Variants in STRBP observed in about 807,000 individuals in gnomAD.
STRBP encodes spermatid perinuclear RNA-binding protein.
Under a neutral mutation model 80.1 loss-of-function variants are expected in STRBP, and 13 were observed. That is an observed-to-expected ratio of 0.16 (90% confidence interval 0.11 to 0.26). The LOEUF (loss-of-function observed/expected upper bound fraction) is 0.26. Ranked by LOEUF, STRBP falls within the 10% of genes least tolerant of loss-of-function variation. The pLI, the probability that STRBP is intolerant of heterozygous loss-of-function variation, is 1.00. For synonymous variants in STRBP, 284 were observed against 291.2 expected (o/e 0.98, Z 0.25); for missense variants, 485 against 815.2 (o/e 0.59, Z 4.93).
intron 1 of STRBP, among the ~76,000 whole-genome samples, chr9:123,265,085 A>G (rs748955412): frequency 1.3e-5 from 2 of 152,198 alleles, no homozygotes; most frequent in Admixed American, 6.5e-5. Context: ...ATTATACTCT[A>G]AAAATCTTTC....
At chr9:123,264,033 G>C (rs2041216233) in intron 1 of STRBP, among the ~76,000 whole-genome samples, 1 of 152,196 alleles carries the variant, frequency 6.6e-6, no homozygotes, top group Non-Finnish European at 1.5e-5. Context: ...CAAAAAATTA[G>C]CTGGGCGTGG....
At chr9:123,167,988 T>C (rs2037841542) in intron 6 of STRBP, among the ~76,000 whole-genome samples, 1 of 151,772 alleles carries the variant, frequency 6.6e-6, no homozygotes, top group African/African-American at 2.4e-5. Context: ...AGATGACTGA[T>C]GTTCCCTTAA....
At chr9:123,133,046 C>G (rs2036207115) in intron 16 of STRBP, 78 bp from the exon 17 acceptor site, 4 of 1,551,602 alleles carry the variant, frequency 2.6e-6, no homozygotes, top group South Asian at 1.2e-5. Context: ...CAACGCACAA[C>G]AACTATGAGA....
intron 1 of STRBP, among the ~76,000 whole-genome samples, chr9:123,246,373 G>A (rs2040800021): frequency 6.6e-6 from 1 of 152,230 alleles, no homozygotes; most frequent in South Asian, 2.1e-4. Flanking sequence ...CCGGGCAGCA[G>A]TGGCTAAATA....
Position 123,160,479 on chromosome 9 carries a change from G to T in STRBP, c.628-17C>A, listed in dbSNP as rs760256376. On this transcript the variant is annotated splice_polypyrimidine_tract_variant and intron_variant, in intron 7 of 18. Transcript: ENST00000348403. ...TGCCCTTGCCTAAAACAAACAAAAT[G>T]ATTCCAGATATCCCTATTGAGATCT... 1.9e-6 allele frequency: 3 copies of T among 1,572,402 alleles called. No homozygotes were observed. Among genetic ancestry groups the T allele is most frequent in the South Asian group, 2.3e-5 (2 of 86,064 alleles).
intron 1 of STRBP, among the ~76,000 whole-genome samples, chr9:123,245,748 C>A (rs925001250): frequency 4.6e-5 from 7 of 152,192 alleles, no homozygotes; most frequent in African/African-American, 1.7e-4. Context: ...GAATCAGTAT[C>A]CTCCAGAGCT....
chr9:123,181,918 T>C (rs918870221), intron 3 of STRBP, among the ~76,000 whole-genome samples: 1 of 148,504 alleles, frequency 6.7e-6, no homozygotes, highest in Non-Finnish European at 1.5e-5. Flanking sequence ...TCTTTAAGTA[T>C]TGAAAAAATA....
Position 123,122,945 on chromosome 9 carries a change from A to G in STRBP, c.*2652T>C. The G allele has an allele frequency of 1.0e-6, 1 of 985,504 alleles. No homozygotes were observed. The highest frequency in any genetic ancestry group is 1.7e-5 in the African/African-American group (1 of 57,378). The allele number at this position is 985,504 out of a possible 1,614,324, so 61.0% of individuals were successfully genotyped here. On this transcript the variant is annotated 3_prime_UTR_variant, in exon 19 of 19. Coordinates refer to ENST00000348403, the MANE Select transcript of STRBP (RefSeq NM_018387.5). ...AGGTTTCCAAAGGAAAAGTTTTAAA[A>G]CAGACACCGTGGCTTTGAACAAAGT...
In STRBP at chr9:123,172,776, CTT is replaced by C. The variant is rs112484067; in HGVS notation, c.390+899_390+900del. Among the ~76,000 whole-genome samples, 537 of 151,810 alleles carry C rather than the reference CTT, an allele frequency of 3.5e-3. 1 individual carries two copies. Among genetic ancestry groups the C allele is most frequent in the African/African-American group, 0.012 (485 of 41,430 alleles). The stretch of plus-strand genomic sequence containing the variant: ...TAGTAACAAAGCTAAGAAAAACAAA[CTT>C]AGAATTCATACATCTTGAAAAAAAG... On this transcript the variant is annotated intron_variant, in intron 5 of 18. Coordinates refer to ENST00000348403, the MANE Select transcript of STRBP (RefSeq NM_018387.5).
chr9:123,265,700 A>G (rs998627884), intron 1 of STRBP, among the ~76,000 whole-genome samples: 1 of 152,168 alleles, frequency 6.6e-6, no homozygotes, highest in Non-Finnish European at 1.5e-5. Flanking sequence ...GTTACTTCCC[A>G]TGTGTTTGGC....
At chr9:123,164,301 C>T (rs372980787) in intron 6 of STRBP, among the ~76,000 whole-genome samples, 1 of 152,188 alleles carries the variant, frequency 6.6e-6, no homozygotes, top group South Asian at 2.1e-4. Context: ...CCCACCTCAG[C>T]CTCCCAAAGT....
intron 3 of STRBP, chr9:123,180,963 T>C: frequency 1.0e-6 from 1 of 983,650 alleles, no homozygotes; most frequent in Non-Finnish European, 1.2e-6. Flanking sequence ...TTGCCTCTTT[T>C]GTTCTTGTTT....
At chr9:123,133,469 G>C (rs2036224481) in intron 16 of STRBP, among the ~76,000 whole-genome samples, 1 of 152,132 alleles carries the variant, frequency 6.6e-6, no homozygotes, top group Non-Finnish European at 1.5e-5. Flanking sequence ...ACCTCAGGAA[G>C]GTAATATGAT....
At chr9:123,113,862 T>C (rs916986685) in intron 3 of STRBP, 2 of 167,128 alleles carry the variant, frequency 1.2e-5, no homozygotes, top group Non-Finnish European at 2.9e-5. Flanking sequence ...AACACAGCCA[T>C]GCTATCTATT....
downstream of STRBP, among the ~76,000 whole-genome samples, chr9:123,117,971 A>C (rs2132280628): frequency 6.6e-6 from 1 of 152,356 alleles, no homozygotes; most frequent in African/African-American, 2.4e-5. Flanking sequence ...AACCAATTTA[A>C]ATGAAAAGAG....
Position 123,200,762 on chromosome 9 carries a change from T to TTA in STRBP, c.-164-16465_-164-16464insTA, listed in dbSNP as rs1554762956. Among the ~76,000 whole-genome samples, 27 of 133,552 alleles carry TTA rather than the reference T, an allele frequency of 2.0e-4. 3 individuals are homozygous for TTA. Among genetic ancestry groups the TTA allele is most frequent in the African/African-American group, 7.6e-4 (26 of 34,234 alleles). 87.6% of individuals were successfully genotyped at this position (133,552 alleles called of 152,430 possible). ...TTTTTTTTTTTTTTTTTTTTTTTTT[T>TTA]AGTAGAGACCAGGTTTCACCATGTT... On this transcript the variant is annotated intron_variant, in intron 2 of 18. Coordinates refer to ENST00000348403, the MANE Select transcript of STRBP (RefSeq NM_018387.5).
chr9:123,261,363 T>C (rs2041157775), intron 1 of STRBP, among the ~76,000 whole-genome samples: 1 of 152,204 alleles, frequency 6.6e-6, no homozygotes, highest in African/African-American at 2.4e-5. Context: ...ATGAATTTGA[T>C]ATACAACTTC....
In STRBP at chr9:123,115,243, C is replaced by G. The variant is rs2035627408; in HGVS notation, c.*84+686G>C. 2.1e-6 allele frequency: 1 copy of G among 471,216 alleles called. No individual in the cohort carries two copies. Among genetic ancestry groups the G allele is most frequent in the Non-Finnish European group, 4.4e-6 (1 of 227,038 alleles). The allele number at this position is 471,216 out of a possible 1,614,324, so 29.2% of individuals were successfully genotyped here. On this transcript the variant is annotated intron_variant and NMD_transcript_variant, in intron 3 of 3. Coordinates refer to the STRBP transcript ENST00000471564. The surrounding 1 kb of genome is among the most constrained non-coding windows in gnomAD (Gnocchi z 5.0). Reference sequence around the variant, plus strand: ...GCCAGGCCCGCCTCTGACTCCCCTCCTGGGGATCCCGTCTGGCTCAGTGGG... The same window carrying G: ...GCCAGGCCCGCCTCTGACTCCCCTCGTGGGGATCCCGTCTGGCTCAGTGGG...
At chr9:123,267,586 C>T (rs1396039311) in intron 1 of STRBP, among the ~76,000 whole-genome samples, 2 of 151,940 alleles carry the variant, frequency 1.3e-5, no homozygotes, top group Non-Finnish European at 2.9e-5. Flanking sequence ...CTGGGCCTAC[C>T]CTTCATTTCC....
Sources: allele counts gnomAD v4.1 joint callset (sites outside exome capture counted in the v4.1 genomes callset), GRCh38; gene constraint gnomAD v4.1.1; non-coding constraint Gnocchi (gnomAD v3.1); transcripts MANE v1.5; gene names NCBI Gene and HGNC (gene_info 2026-07-23, HGNC 2026-07-21).